ARHGAP15: variants seen among roughly 807,000 people sequenced by gnomAD.
ARHGAP15 encodes Rho GTPase activating protein 15, also known as rho GTPase-activating protein 15.
ARHGAP15 carries 51 observed loss-of-function variants against 63.7 expected under a neutral mutation model. The observed-to-expected ratio is 0.80, with a 90% confidence interval of 0.64 to 1.01. The LOEUF is 1.01. ARHGAP15 is among the 50% of genes least tolerant of loss of function. The pLI is 0.00. For synonymous variants in ARHGAP15, 191 were observed against 193.8 expected, an observed-to-expected ratio of 0.99 and a Z score of 0.12; for missense variants, 560 against 564.6, an observed-to-expected ratio of 0.99 and a Z score of 0.08.
intron 6 of ARHGAP15, among the ~76,000 whole-genome samples, chr2:143,390,731 G>GCACACACACA (rs3071055): frequency 2.7e-5 from 4 of 147,474 alleles, no homozygotes; most frequent in East Asian, 2.0e-4. Flanking sequence ...GAAAACACAT[G>GCACACACACA]CACACACACA....
chr2:143,633,025 G>GAGATGTAAAAATAATGCAGTATAAAA (rs1237959957), intron 12 of ARHGAP15, among the ~76,000 whole-genome samples: 2 of 152,152 alleles, frequency 1.3e-5, no homozygotes, highest in Admixed American at 6.6e-5. Flanking sequence ...AAAGAAAGCA[G>GAGATGTAAAAATAATGCAGTATAAAA]AGATGTAAAA....
chr2:143,212,873 T>G (rs568971174), intron 3 of ARHGAP15, among the ~76,000 whole-genome samples: 2 of 152,236 alleles, frequency 1.3e-5, no homozygotes, highest in African/African-American at 4.8e-5. Context: ...CAAAGAATAG[T>G]AAAGTAATTA....
At chr2:143,431,478 ATTCATATCCTTAATATACTGAAG>A (rs1397941641) in intron 6 of ARHGAP15, among the ~76,000 whole-genome samples, 2 of 152,068 alleles carry the variant, frequency 1.3e-5, no homozygotes, top group Non-Finnish European at 2.9e-5. Context: ...AAGTGGTGGT[ATTCATATCCTTAATATACTGAAG>A]TTCTGATACA....
Position 143,703,477 on chromosome 2 carries a change from T to C in ARHGAP15, c.1197T>C (p.Pro399=). ...EAVKSLVQKL[P]PPNRDTMKVL... ...TAAAATCTCTTGTACAAAAACTCCC[T>C]CCGCCAAATCGTGACACCATGAAAG... Residue 399 remains proline, a synonymous_variant, in exon 13 of 14, where the codon CCT becomes CCC. Transcript: ENST00000295095. 1 of 1,612,792 alleles carries C rather than the reference T, an allele frequency of 6.2e-7. No homozygotes were observed. The highest frequency in any genetic ancestry group is 8.5e-7 in the Non-Finnish European group (1 of 1,179,458).
chr2:143,449,657 AAAC>A (rs1690307697), intron 8 of ARHGAP15, among the ~76,000 whole-genome samples: 1 of 152,042 alleles, frequency 6.6e-6, no homozygotes, highest in South Asian at 2.1e-4. Flanking sequence ...ATTGCAAAGA[AAAC>A]AAAAGTAGGC....
In ARHGAP15 at chr2:143,661,830, T is replaced by A. The variant is rs191995499; in HGVS notation, c.1138+37563T>A. Among the ~76,000 whole-genome samples, 907 of 152,222 alleles carry A rather than the reference T, an allele frequency of 6.0e-3. 11 individuals carry two copies. The highest frequency in any genetic ancestry group is 0.02 in the African/African-American group (850 of 41,538). The stretch of plus-strand genomic sequence containing the variant: ...TGACGGACGCACCTGGAAAATCGGG[T>A]CACTCCCACCCGAATATTACGCTTT... On this transcript the variant is annotated intron_variant, in intron 12 of 13. Coordinates refer to ENST00000295095, the MANE Select transcript of ARHGAP15 (RefSeq NM_018460.4).
chr2:143,661,183 G>T (rs1177308697), intron 12 of ARHGAP15, among the ~76,000 whole-genome samples: 1 of 152,098 alleles, frequency 6.6e-6, no homozygotes, highest in Non-Finnish European at 1.5e-5. Context: ...ATCAGATCAG[G>T]CCCACCCCAA....
At chr2:143,419,663 C>CATAT (rs34907343) in intron 6 of ARHGAP15, among the ~76,000 whole-genome samples, 20 of 151,124 alleles carry the variant, frequency 1.3e-4, no homozygotes, top group African/African-American at 4.9e-4. Flanking sequence ...TATACAAACA[C>CATAT]ATATATATGT....
intron 1 of ARHGAP15, among the ~76,000 whole-genome samples, chr2:143,145,874 GTGTGTA>G (rs1270993074): frequency 1.5e-5 from 2 of 136,540 alleles, no homozygotes; most frequent in Non-Finnish European, 3.2e-5. Context: ...GTGTGTGTGT[GTGTGTA>G]TAATATATAT....
intron 6 of ARHGAP15, among the ~76,000 whole-genome samples, chr2:143,422,609 C>T (rs577627007): frequency 5.1e-4 from 77 of 152,118 alleles, no homozygotes; most frequent in Non-Finnish European, 1.0e-3. Flanking sequence ...GCTGAATACA[C>T]TGACATGACT....
chr2:143,721,401 T>C (rs1685052450), intron 13 of ARHGAP15, among the ~76,000 whole-genome samples: 1 of 152,082 alleles, frequency 6.6e-6, no homozygotes, highest in Non-Finnish European at 1.5e-5. Flanking sequence ...GCTTTTTCCA[T>C]GGGGAGAAGA....
intron 12 of ARHGAP15, among the ~76,000 whole-genome samples, chr2:143,657,290 T>C (rs1307934978): frequency 6.6e-6 from 1 of 152,110 alleles, no homozygotes; most frequent in East Asian, 1.9e-4. Context: ...GAGCTTGCAG[T>C]GAGCCGAGAT....
chr2:143,624,099 A>T (rs199602572), intron 11 of ARHGAP15, 34 bp from the exon 12 acceptor site: 2 of 1,609,072 alleles, frequency 1.2e-6, no homozygotes, highest in Non-Finnish European at 8.5e-7. Flanking sequence ...TTTCATTAAA[A>T]CCAGTTGTTC....
chr2:143,524,736 C>G (rs944010857), intron 10 of ARHGAP15, among the ~76,000 whole-genome samples: 1 of 152,160 alleles, frequency 6.6e-6, no homozygotes, highest in Non-Finnish European at 1.5e-5. Context: ...CACGAGAAAG[C>G]GTGGCTGGAC....
intron 13 of ARHGAP15, among the ~76,000 whole-genome samples, chr2:143,734,887 G>A (rs1375802584): frequency 1.3e-5 from 2 of 152,148 alleles, no homozygotes; most frequent in African/African-American, 2.4e-5. Context: ...TTTTAAACAT[G>A]GTGGGGGGTA....
intron 6 of ARHGAP15, among the ~76,000 whole-genome samples, chr2:143,336,169 T>C (rs1684763441): frequency 6.6e-6 from 1 of 152,070 alleles, no homozygotes; most frequent in South Asian, 2.1e-4. Flanking sequence ...CCGCCACACC[T>C]GGCTAATTTT....
intron 10 of ARHGAP15, among the ~76,000 whole-genome samples, chr2:143,534,549 A>G (rs35211584): frequency 0.82 from 124,273 of 151,662 alleles, 51,030 homozygotes; most frequent in South Asian, 0.85. Flanking sequence ...GGAGAATGCC[A>G]TGAAATATTC....
At position 143,736,717 on chromosome 2, in the gene ARHGAP15, C is replaced by CAA. The variant is rs556196684; in HGVS notation, c.1245-31271_1245-31270dup. Among the ~76,000 whole-genome samples, 196 of 152,286 alleles carry CAA rather than the reference C, an allele frequency of 1.3e-3. 1 individual carries two copies. The highest frequency in any genetic ancestry group is 4.3e-3 in the African/African-American group (177 of 41,566). ...ACTCTGTATATCAAATGAGATAATG[C>CAA]AAGCAAATTGCTTTACACAATGCCT... On this transcript the variant is annotated intron_variant, in intron 13 of 13. Transcript: ENST00000295095.
At chr2:143,249,505 T>C (rs1680034574) in intron 5 of ARHGAP15, among the ~76,000 whole-genome samples, 2 of 152,120 alleles carry the variant, frequency 1.3e-5, no homozygotes, top group African/African-American at 4.8e-5. Context: ...TATAATAAGC[T>C]TCATATACTA....
Sources: allele counts gnomAD v4.1 joint callset (sites outside exome capture counted in the v4.1 genomes callset), GRCh38; gene constraint gnomAD v4.1.1; transcripts MANE v1.5; gene names NCBI Gene and HGNC (gene_info 2026-07-23, HGNC 2026-07-21).